Variants in CMBL observed in about 807,000 individuals in gnomAD.
CMBL encodes carboxymethylenebutenolidase homolog.
In CMBL, 17 loss-of-function variants were observed where a neutral mutation model predicts 28.7. The observed-to-expected ratio is 0.59, with a 90% CI of 0.41 to 0.89. The LOEUF (loss-of-function observed/expected upper bound fraction) is 0.89, where lower values mean the gene tolerates loss of function less well. Among genes scored for constraint, CMBL ranks in the 40% least tolerant of loss-of-function variants. The pLI is 0.00. For missense variants in CMBL, 310 were observed against 298.5 expected (o/e 1.04, Z -0.28); for synonymous variants, 106 against 101.6 (o/e 1.04, Z -0.26).
intron 1 of CMBL, among the ~76,000 whole-genome samples, chr5:10,296,164 G>C (rs1746805711): frequency 6.6e-6 from 1 of 152,196 alleles, no homozygotes; most frequent in African/African-American, 2.4e-5. Flanking sequence ...CTGTGACCAG[G>C]CCACAGGTTT....
At chr5:10,297,703 AAAAC>A (rs1273559805) in intron 1 of CMBL, among the ~76,000 whole-genome samples, 1 of 152,104 alleles carries the variant, frequency 6.6e-6, no homozygotes, top group African/African-American at 2.4e-5. Context: ...CATAGAAAGG[AAAAC>A]AAACAAAACA....
chr5:10,299,641 ACCATCCTGGGCAACATGGTAAAACC>A (rs1746861347), intron 1 of CMBL, among the ~76,000 whole-genome samples: 1 of 151,402 alleles, frequency 6.6e-6, no homozygotes. Flanking sequence ...GGAGTTCGAG[ACCATCCTGGGCAACATGGTAAAACC>A]CCATCTCTCC....
Position 10,287,325 on chromosome 5 carries a change from C to G in CMBL, c.324-829G>C. Among the ~76,000 whole-genome samples, 2 of 152,216 alleles carry G rather than the reference C, an allele frequency of 1.3e-5. 1 individual carries two copies. Among genetic ancestry groups the G allele is most frequent in the South Asian group, 4.1e-4 (2 of 4,820 alleles). ...GCCATAAGAAAGAACAAAATAATAT[C>G]TTTTGCAGCAACTTGGATGGAGCTG... On this transcript the variant is annotated intron_variant, in intron 3 of 5. Coordinates refer to ENST00000296658, the MANE Select transcript of CMBL (RefSeq NM_138809.4).
At chr5:10,286,175 TG>T in intron 4 of CMBL, 178 bp downstream of exon 4, 2 of 587,636 alleles carry the variant, frequency 3.4e-6, no homozygotes, top group Non-Finnish European at 5.6e-6. Flanking sequence ...TGACATCCTC[TG>T]GTTAACTGCA....
rs2126535931 is a variant in CMBL at position 10,279,832 on chromosome 5, AC to A, written c.*620del. The A allele has an allele frequency of 6.6e-6, 1 of 151,714 alleles. No individual in the cohort carries two copies. The highest frequency in any genetic ancestry group is 6.6e-5 in the Admixed American group (1 of 15,220). The allele number at this position is 151,714 out of a possible 1,614,324, so 9.4% of individuals were successfully genotyped here. ...TGGGATTACAGGCGTGAGCCACCGC[AC>A]CCGGCCTGTAGGTTTTAACTAATAA... On this transcript the variant is annotated 3_prime_UTR_variant, in exon 6 of 6. Transcript: ENST00000296658.
At chr5:10,287,713 A>ATT (rs1746629265) in intron 3 of CMBL, among the ~76,000 whole-genome samples, 2 of 150,666 alleles carry the variant, frequency 1.3e-5, no homozygotes, top group African/African-American at 5.0e-5. Context: ...TTAATTAATT[A>ATT]ATTTCTTTTT....
At chr5:10,293,469 T>C (rs1273099249) in intron 1 of CMBL, among the ~76,000 whole-genome samples, 1 of 152,186 alleles carries the variant, frequency 6.6e-6, no homozygotes, top group Admixed American at 6.5e-5. Context: ...GTAAGAGGTC[T>C]GCCCTCAGAC....
intron 1 of CMBL, among the ~76,000 whole-genome samples, chr5:10,303,854 T>A (rs1432161672): frequency 6.6e-6 from 1 of 152,148 alleles, no homozygotes; most frequent in African/African-American, 2.4e-5. Flanking sequence ...GACACTGCCC[T>A]CCTTTTTGCC....
At chr5:10,300,785 G>A (rs1229978978) in intron 1 of CMBL, among the ~76,000 whole-genome samples, 1 of 150,580 alleles carries the variant, frequency 6.6e-6, no homozygotes, top group Non-Finnish European at 1.5e-5. Context: ...GGGCAACAAA[G>A]AGAGACATTT....
At chr5:10,285,730 C>T (rs1746589272) in intron 4 of CMBL, among the ~76,000 whole-genome samples, 1 of 133,286 alleles carries the variant, frequency 7.5e-6, no homozygotes. Flanking sequence ...CAGGGTCTTG[C>T]TCTGTCACCC....
rs1746702173 is a variant in CMBL, at chr5:10,290,922, C to T, written c.-19-141G>A. On this transcript the variant is annotated intron_variant, in intron 1 of 5. Transcript: ENST00000296658. ...GTATTATGTGAGAAACCAATGGTAA[C>T]TTCTGGTTCTGGCAACACTGCAGAG... The T allele has an allele frequency of 1.1e-5, 7 of 651,522 alleles. No homozygotes were observed. The Admixed American group carries it at 1.9e-4, about 18-fold the overall frequency. 40.4% of individuals were successfully genotyped at this position (651,522 alleles called of 1,614,324 possible).
chr5:10,298,168 C>T (rs1385062310), intron 1 of CMBL, among the ~76,000 whole-genome samples: 1 of 151,942 alleles, frequency 6.6e-6, no homozygotes, highest in Non-Finnish European at 1.5e-5. Context: ...CAATGGGGCA[C>T]GGCTGCAGCA....
rs192815650 is a variant in CMBL, at chr5:10,301,689, C to T, written c.-20+5936G>A. 6.4e-3 allele frequency among the ~76,000 whole-genome samples: 956 copies of T among 149,404 alleles called. 3 individuals carry two copies. The highest frequency in any genetic ancestry group is 0.011 in the Non-Finnish European group (720 of 67,544). On this transcript the variant is annotated intron_variant, in intron 1 of 5. Coordinates refer to ENST00000296658, the MANE Select transcript of CMBL (RefSeq NM_138809.4). Reference sequence around the variant, plus strand: ...CGATCTCCGCTCACTGCAAACTCCGCCTCCCAGGTTCAAGCGATTCTCCTG... The same window carrying T: ...CGATCTCCGCTCACTGCAAACTCCGTCTCCCAGGTTCAAGCGATTCTCCTG...
intron 1 of CMBL, among the ~76,000 whole-genome samples, chr5:10,302,788 A>G (rs539996757): frequency 1.3e-5 from 2 of 152,358 alleles, no homozygotes; most frequent in East Asian, 3.9e-4. Context: ...GGATATAGAC[A>G]GCAGGCCCTG....
chr5:10,291,741 G>C (rs2126551675), intron 1 of CMBL, among the ~76,000 whole-genome samples: 1 of 152,276 alleles, frequency 6.6e-6, no homozygotes, highest in Admixed American at 6.5e-5. Context: ...AGGAATACCT[G>C]GCTGAGAAAT....
chr5:10,295,507 A>G (rs1052355526), intron 1 of CMBL, among the ~76,000 whole-genome samples: 2 of 152,336 alleles, frequency 1.3e-5, no homozygotes, highest in South Asian at 2.1e-4. Flanking sequence ...TGTGTCCCCA[A>G]AAAGTCAGAT....
At chr5:10,281,060 C>T (rs1746490916) in intron 5 of CMBL, among the ~76,000 whole-genome samples, 1 of 152,244 alleles carries the variant, frequency 6.6e-6, no homozygotes, top group African/African-American at 2.4e-5. Context: ...AGGCGTGAGC[C>T]ACGGCGCCCG....
rs111585755 is a variant in CMBL, at chr5:10,278,132, A to G, written c.*2321T>C. Among the ~76,000 whole-genome samples the G allele has an allele frequency of 4.1e-4, 63 of 152,340 alleles. No homozygotes were observed. Among genetic ancestry groups the G allele is most frequent in the Non-Finnish European group, 6.6e-4 (45 of 68,036 alleles). ...TCAACATTAGGCAAAGGGTCTCCCC[A>G]TACCCATTTGACAGATGCAAAAACT... On this transcript the variant is annotated 3_prime_UTR_variant, in exon 6 of 6. Transcript: ENST00000296658.
At chr5:10,292,897 T>C (rs1247320135) in intron 1 of CMBL, among the ~76,000 whole-genome samples, 1 of 151,008 alleles carries the variant, frequency 6.6e-6, no homozygotes, top group East Asian at 1.9e-4. Flanking sequence ...CAAAGACATA[T>C]GTAATTCCCT....
Sources: allele counts gnomAD v4.1 joint callset (sites outside exome capture counted in the v4.1 genomes callset), GRCh38; gene constraint gnomAD v4.1.1; transcripts MANE v1.5; gene names NCBI Gene and HGNC (gene_info 2026-07-23, HGNC 2026-07-21).